Variants in ASIC2 observed in about 807,000 individuals in gnomAD.
ASIC2 encodes acid-sensing ion channel 2.
Under a neutral mutation model 57.3 loss-of-function variants are expected in ASIC2, and 25 were observed. The ratio of observed to expected loss-of-function variants is 0.44; its 90% CI spans 0.32 to 0.61. The LOEUF is 0.61. Ranked by LOEUF, ASIC2 falls within the 20% of genes least tolerant of loss-of-function variation. The pLI is 0.06. For synonymous variants in ASIC2, 319 were observed against 307.5 expected (o/e 1.04, Z -0.39); for missense variants, 641 against 738.1 (o/e 0.87, Z 1.52).
intron 3 of ASIC2, among the ~76,000 whole-genome samples, chr17:33,062,987 C>G (rs1158592311): frequency 6.6e-6 from 1 of 152,112 alleles, no homozygotes; most frequent in African/African-American, 2.4e-5. Context: ...ATTGCAACCC[C>G]TGCCTTTTTT....
chr17:33,918,161 C>T (rs1430925739), intron 1 of ASIC2, among the ~76,000 whole-genome samples: 4 of 152,214 alleles, frequency 2.6e-5, no homozygotes, highest in Non-Finnish European at 4.4e-5. Context: ...CTCTCCAACT[C>T]TGCTTGGCCA....
At chr17:33,233,643 C>T (rs1908191820) in intron 1 of ASIC2, among the ~76,000 whole-genome samples, 1 of 151,370 alleles carries the variant, frequency 6.6e-6, no homozygotes, top group Non-Finnish European at 1.5e-5. Context: ...TGAACGGCAT[C>T]AGGCTGGGTG....
intron 1 of ASIC2, among the ~76,000 whole-genome samples, chr17:33,589,690 A>G (rs1164144603): frequency 2.0e-5 from 3 of 152,216 alleles, no homozygotes; most frequent in Non-Finnish European, 2.9e-5. Flanking sequence ...TGTATTACGA[A>G]TCAGTATTTC....
At chr17:33,515,180 G>C (rs182701231) in intron 1 of ASIC2, among the ~76,000 whole-genome samples, 66 of 152,334 alleles carry the variant, frequency 4.3e-4, no homozygotes, top group South Asian at 1.2e-3. Flanking sequence ...TTGCTCCGTC[G>C]CTGTTCCTGA....
At chr17:33,933,431 T>C (rs753866352) in intron 1 of ASIC2, among the ~76,000 whole-genome samples, 1 of 152,224 alleles carries the variant, frequency 6.6e-6, no homozygotes, top group Non-Finnish European at 1.5e-5. Context: ...GCTTGTTCAA[T>C]GAACACAAAC....
At chr17:33,191,927 T>G (rs1906437758) in intron 1 of ASIC2, among the ~76,000 whole-genome samples, 2 of 152,184 alleles carry the variant, frequency 1.3e-5, no homozygotes. Flanking sequence ...TACCCCATTA[T>G]TCAGTGGAAG....
chr17:33,248,857 A>C (rs1315619438), intron 1 of ASIC2, among the ~76,000 whole-genome samples: 1 of 152,226 alleles, frequency 6.6e-6, no homozygotes. Flanking sequence ...TCCTTGACTT[A>C]ATCATTCCTG....
intron 1 of ASIC2, among the ~76,000 whole-genome samples, chr17:33,128,983 C>A (rs11658235): frequency 0.13 from 19,190 of 152,186 alleles, 1,249 homozygotes; most frequent in East Asian, 0.18. Context: ...TATCCAAGTA[C>A]TCTAGACACA....
intron 1 of ASIC2, among the ~76,000 whole-genome samples, chr17:33,765,453 A>G (rs1567709944): frequency 6.6e-6 from 1 of 152,186 alleles, no homozygotes; most frequent in African/African-American, 2.4e-5. Flanking sequence ...TCTCAGGAAT[A>G]TCTGACAAAC....
At chr17:33,659,871 C>CAAATAAAT (rs145561483) in intron 1 of ASIC2, among the ~76,000 whole-genome samples, 294 of 133,288 alleles carry the variant, frequency 2.2e-3, no homozygotes, top group Middle Eastern at 0.012. Context: ...GACTCTGTCT[C>CAAATAAAT]AAATAAATAA....
At position 33,372,121 on chromosome 17, in the gene ASIC2, T is replaced by C. The variant is rs907106260; in HGVS notation, c.556-260054A>G. On this transcript the variant is annotated intron_variant, in intron 1 of 9. Transcript: ENST00000359872. Reference sequence around the variant, plus strand: ...TGGAGCTGCACTAGATGAAATGGCATAGGGGCTGAGCCAGCTCAAATACTT... The same window carrying C: ...TGGAGCTGCACTAGATGAAATGGCACAGGGGCTGAGCCAGCTCAAATACTT... Among the ~76,000 whole-genome samples, 6 of 152,018 alleles carry C rather than the reference T, an allele frequency of 3.9e-5. No homozygotes were observed. In the East Asian group the frequency reaches 7.8e-4, roughly 20 times the overall value.
chr17:33,627,254 A>T (rs1906016840), intron 1 of ASIC2: 1 of 152,194 alleles, frequency 6.6e-6, no homozygotes, highest in Admixed American at 6.5e-5. Context: ...CCCTGGAGCA[A>T]CCATTTCACT....
chr17:33,281,539 T>C (rs963235553), intron 1 of ASIC2, among the ~76,000 whole-genome samples: 3 of 152,132 alleles, frequency 2.0e-5, no homozygotes, highest in African/African-American at 7.2e-5. Context: ...TAACATATGA[T>C]TTTTAAGTTT....
At chr17:33,516,834 C>T (rs150280236) in intron 1 of ASIC2, among the ~76,000 whole-genome samples, 1 of 152,296 alleles carries the variant, frequency 6.6e-6, no homozygotes, top group Non-Finnish European at 1.5e-5. Context: ...GTGTTGTGCT[C>T]TTATTACACT....
At chr17:33,476,716 C>T (rs1431283795) in intron 1 of ASIC2, among the ~76,000 whole-genome samples, 3 of 151,922 alleles carry the variant, frequency 2.0e-5, no homozygotes, top group African/African-American at 7.3e-5. Context: ...GTTCATGTGT[C>T]CCTGTGGGAG....
At chr17:33,053,546 T>A (rs971824287) in intron 3 of ASIC2, among the ~76,000 whole-genome samples, 1 of 152,214 alleles carries the variant, frequency 6.6e-6, no homozygotes, top group Non-Finnish European at 1.5e-5. Context: ...TTGAGGCTAA[T>A]CATTTCTCTC....
chr17:33,973,195 G>A (rs557338568), intron 1 of ASIC2, among the ~76,000 whole-genome samples: 13 of 152,318 alleles, frequency 8.5e-5, no homozygotes, highest in African/African-American at 2.6e-4. Context: ...CTGAGTTGTA[G>A]TCCAAATCCC....
chr17:33,659,236 C>T (rs199789210), intron 1 of ASIC2, among the ~76,000 whole-genome samples: 9 of 152,302 alleles, frequency 5.9e-5, no homozygotes, highest in East Asian at 1.9e-4. Flanking sequence ...CATTACATTA[C>T]GGTTGCTTTG....
At chr17:33,283,148 G>T (rs1597665177) in intron 1 of ASIC2, among the ~76,000 whole-genome samples, 1 of 152,112 alleles carries the variant, frequency 6.6e-6, no homozygotes, top group East Asian at 1.9e-4. Flanking sequence ...CATTCTCTTG[G>T]GTTCACTGGG....
Sources: gnomAD v4.1 joint callset for allele counts (sites outside exome capture counted in the v4.1 genomes callset) on GRCh38, gnomAD v4.1.1 for gene constraint, MANE v1.5 for transcripts, NCBI Gene and HGNC (gene_info 2026-07-23, HGNC 2026-07-21) for gene names.